SPRYD7: variants seen among roughly 807,000 people sequenced by gnomAD.
SPRYD7 encodes SPRY domain containing 7.
A neutral mutation model predicts 23.8 loss-of-function variants in SPRYD7; 14 were observed. That is an observed-to-expected ratio of 0.59 (90% CI 0.39 to 0.92). The LOEUF (loss-of-function observed/expected upper bound fraction) is 0.92. Among genes scored for constraint, SPRYD7 ranks in the 40% least tolerant of loss-of-function variants. SPRYD7 has a pLI of 0.00. For missense variants in SPRYD7, 194 were observed against 241.7 expected (o/e 0.80, Z 1.31); for synonymous variants, 75 against 84.9 (o/e 0.88, Z 0.64).
Position 49,916,638 on chromosome 13 carries a change from G to A in SPRYD7, c.494-1478C>T, listed in dbSNP as rs139803053. 2.9e-3 allele frequency among the ~76,000 whole-genome samples: 434 copies of A among 152,058 alleles called. 5 individuals are homozygous for A. Among genetic ancestry groups the A allele is most frequent in the African/African-American group, 9.5e-3 (395 of 41,492 alleles). On this transcript the variant is annotated intron_variant, in intron 4 of 4. Coordinates refer to ENST00000361840, the MANE Select transcript of SPRYD7 (RefSeq NM_020456.4). ...AAAAAGAAAGAAAAACAATAAAGATGGCAGATATAGGTTATTCTAGAAGAA... is the reference window on the plus strand; with the variant it reads ...AAAAAGAAAGAAAAACAATAAAGATAGCAGATATAGGTTATTCTAGAAGAA...
chr13:49,924,279 A>G (rs9568358), intron 3 of SPRYD7, among the ~76,000 whole-genome samples: 150,186 of 151,942 alleles, frequency 0.99, 74,246 homozygotes, highest in Middle Eastern at 1. Context: ...GAGCCACCGC[A>G]CCCGGCCAGA....
intron 4 of SPRYD7, among the ~76,000 whole-genome samples, chr13:49,917,737 T>C (rs1955768660): frequency 6.6e-6 from 1 of 152,210 alleles, no homozygotes; most frequent in African/African-American, 2.4e-5. Context: ...GTCACTCTAC[T>C]GATATTTATT....
chr13:49,916,278 G>T (rs1657994724), intron 4 of SPRYD7, among the ~76,000 whole-genome samples: 1 of 152,166 alleles, frequency 6.6e-6, no homozygotes. Context: ...TGGTAATAAT[G>T]TGAGTGTTCA....
intron 3 of SPRYD7, among the ~76,000 whole-genome samples, chr13:49,926,963 T>G (rs940328563): frequency 6.6e-6 from 1 of 152,168 alleles, no homozygotes; most frequent in Non-Finnish European, 1.5e-5. Flanking sequence ...GATTACATTT[T>G]CAATGTGCTA....
chr13:49,914,495 A>G lies in SPRYD7; in HGVS notation c.*568T>C, dbSNP rs1409986192. On this transcript the variant is annotated 3_prime_UTR_variant, in exon 5 of 5. Coordinates refer to ENST00000361840, the MANE Select transcript of SPRYD7 (RefSeq NM_020456.4). Reference sequence around the variant, plus strand: ...ACTGAAACGTTTATCTCCTTTCACAAAGCAAATCAAAAGCAATGACATTAC... The same window carrying G: ...ACTGAAACGTTTATCTCCTTTCACAGAGCAAATCAAAAGCAATGACATTAC... 2 of 152,364 alleles carry G rather than the reference A, an allele frequency of 1.3e-5. No individual in the cohort carries two copies. The highest frequency in any genetic ancestry group is 2.9e-5 in the Non-Finnish European group (2 of 68,016). The allele number at this position is 152,364 out of a possible 1,614,324, so 9.4% of individuals were successfully genotyped here.
chr13:49,930,122 T>C (rs757909250), intron 2 of SPRYD7, among the ~76,000 whole-genome samples: 4 of 152,254 alleles, frequency 2.6e-5, no homozygotes, highest in Non-Finnish European at 5.9e-5. Context: ...TTAAAAGTTT[T>C]CCCATATACA....
chr13:49,929,502 A>G (rs370449797), intron 2 of SPRYD7, among the ~76,000 whole-genome samples: 1 of 150,342 alleles, frequency 6.7e-6, no homozygotes, highest in East Asian at 1.9e-4. Context: ...TTGTTTTTGT[A>G]TTTGTTTTTT....
chr13:49,915,189 A>C (rs1472026148), intron 4 of SPRYD7, 29 bp from the exon 5 acceptor site: 1 of 1,119,024 alleles, frequency 8.9e-7, no homozygotes, highest in Non-Finnish European at 1.3e-6. Context: ...AAGAAAATAA[A>C]TTAGAAGCAA....
At chr13:49,932,724 T>C (rs1871439511) in intron 1 of SPRYD7, among the ~76,000 whole-genome samples, 1 of 152,174 alleles carries the variant, frequency 6.6e-6, no homozygotes, top group African/African-American at 2.4e-5. Context: ...AATTAACAGT[T>C]AAACAAAATT....
At chr13:49,931,930 A>G (rs2181267) in intron 1 of SPRYD7, among the ~76,000 whole-genome samples, 26,759 of 152,222 alleles carry the variant, frequency 0.18, 2,693 homozygotes, top group African/African-American at 0.26. Flanking sequence ...CCTGGGCGAG[A>G]GAAGTAAGTT....
At position 49,914,967 on chromosome 13, in the gene SPRYD7, T is replaced by A. The variant is rs1022360841; in HGVS notation, c.*96A>T. 5 of 590,970 alleles carry A rather than the reference T, an allele frequency of 8.5e-6. No individual in the cohort carries two copies. The highest frequency in any genetic ancestry group is 1.1e-5 in the Non-Finnish European group (4 of 353,590). 36.6% of individuals were successfully genotyped at this position (590,970 alleles called of 1,614,324 possible). ...TAGACAGCATCAACAAGCATATTTT[T>A]AAGAATATATTTTCATCTATAGGCC... On this transcript the variant is annotated 3_prime_UTR_variant, in exon 5 of 5. Transcript: ENST00000361840.
At chr13:49,929,598 C>T (rs1306211332) in intron 2 of SPRYD7, among the ~76,000 whole-genome samples, 4 of 151,994 alleles carry the variant, frequency 2.6e-5, no homozygotes, top group Admixed American at 1.3e-4. Flanking sequence ...TGGGTTCAAG[C>T]GATTCTCCTG....
At chr13:49,930,523 G>A (rs1033874242) in intron 2 of SPRYD7, among the ~76,000 whole-genome samples, 3 of 151,918 alleles carry the variant, frequency 2.0e-5, no homozygotes, top group African/African-American at 4.8e-5. Context: ...GGAGGTTGCC[G>A]TGAGTCAAGA....
At chr13:49,931,902 T>C (rs1871400759) in intron 1 of SPRYD7, among the ~76,000 whole-genome samples, 3 of 152,178 alleles carry the variant, frequency 2.0e-5, no homozygotes, top group Admixed American at 2.0e-4. Context: ...GAACTGAGAT[T>C]GCACCACTGC....
In SPRYD7 at chr13:49,914,934, T is replaced by C. The variant is rs1447987278; in HGVS notation, c.*129A>G. ...CTTCAGGGTGGTATACTGAATACAT[T>C]GGTTCCTTAGACAGCATCAACAAGC... On this transcript the variant is annotated 3_prime_UTR_variant, in exon 5 of 5. Coordinates refer to ENST00000361840, the MANE Select transcript of SPRYD7 (RefSeq NM_020456.4). 6.4e-6 allele frequency: 3 copies of C among 469,922 alleles called. No homozygotes were observed. The highest frequency in any genetic ancestry group is 2.0e-5 in the African/African-American group (1 of 49,432). The allele number at this position is 469,922 out of a possible 1,614,324, so 29.1% of individuals were successfully genotyped here. A position where few individuals can be genotyped will look rare whatever the true frequency, so the allele number is the denominator to read the frequency against.
chr13:49,931,719 T>C (rs924096870), intron 1 of SPRYD7, among the ~76,000 whole-genome samples: 6 of 152,058 alleles, frequency 3.9e-5, no homozygotes, highest in Admixed American at 3.9e-4. Context: ...GAGGCCGAGG[T>C]GGGCAGACTG....
chr13:49,926,194 A>G (rs1379555663), intron 3 of SPRYD7, among the ~76,000 whole-genome samples: 1 of 152,210 alleles, frequency 6.6e-6, no homozygotes, highest in Non-Finnish European at 1.5e-5. Flanking sequence ...GAAAACTCGA[A>G]GTCTAATTTA....
In SPRYD7 at chr13:49,914,823, T is replaced by C. The variant is rs1955734425; in HGVS notation, c.*240A>G. 4.7e-6 allele frequency: 1 copy of C among 214,110 alleles called. No homozygotes were observed. Among genetic ancestry groups the C allele is most frequent in the Non-Finnish European group, 9.6e-6 (1 of 104,226 alleles). The allele number at this position is 214,110 out of a possible 1,614,324, so 13.3% of individuals were successfully genotyped here. A position where few individuals can be genotyped will look rare whatever the true frequency, so the allele number is the denominator to read the frequency against. On this transcript the variant is annotated 3_prime_UTR_variant, in exon 5 of 5. Coordinates refer to ENST00000361840, the MANE Select transcript of SPRYD7 (RefSeq NM_020456.4). Reference sequence around the variant, plus strand: ...CATGTTATACTGTTAATTAAACCCATAATTCTATTTATTTAAATAAGAATT... The same window carrying C: ...CATGTTATACTGTTAATTAAACCCACAATTCTATTTATTTAAATAAGAATT...
At chr13:49,925,533 C>T (rs1344929053) in intron 3 of SPRYD7, among the ~76,000 whole-genome samples, 1 of 148,806 alleles carries the variant, frequency 6.7e-6, no homozygotes, top group Non-Finnish European at 1.5e-5. Flanking sequence ...GAAAGTAGGC[C>T]GGGCACGGTG....
Sources: gnomAD v4.1 joint callset for allele counts (sites outside exome capture counted in the v4.1 genomes callset) on GRCh38, gnomAD v4.1.1 for gene constraint, MANE v1.5 for transcripts, NCBI Gene and HGNC (gene_info 2026-07-23, HGNC 2026-07-21) for gene names.